The following GABRG2 variants were observed in gnomAD, a reference collection of about 807,000 sequenced individuals.
The protein encoded by GABRG2 is gamma-aminobutyric acid type A receptor subunit gamma2.
Under a neutral mutation model 56.4 loss-of-function variants are expected in GABRG2, and 16 were observed. The observed-to-expected ratio is 0.28, with a 90% CI of 0.19 to 0.43. The LOEUF is 0.43. GABRG2 is among the 20% of genes least tolerant of loss of function. The probability of loss-of-function intolerance (pLI) is 1.00; values close to 1 mark genes in which losing one functional copy is unlikely to be tolerated. For synonymous variants in GABRG2, 208 were observed against 205.5 expected (o/e 1.01, Z -0.10); for missense variants, 327 against 582.7 (o/e 0.56, Z 4.52).
chr5:162,151,459 C>A, intron 8 of GABRG2: 1 of 355,978 alleles, frequency 2.8e-6, no homozygotes. Context: ...AACTTCCTTG[C>A]AATTGAACAA....
rs1316031191 is a variant in GABRG2, at chr5:162,154,587, G to A, written c.*1219G>A. 6.6e-6 allele frequency: 1 copy of A among 152,078 alleles called. No individual in the cohort carries two copies. The highest frequency in any genetic ancestry group is 1.5e-5 in the Non-Finnish European group (1 of 68,016). The allele number at this position is 152,078 out of a possible 1,614,324, so 9.4% of individuals were successfully genotyped here. ...GTTCATCTTCAAAAAATTATTTTAG[G>A]CAAAGTCCATACTCCTTTTAAAACA... is the stretch of plus-strand genomic sequence containing the variant. On this transcript the variant is annotated 3_prime_UTR_variant, in exon 10 of 10. Transcript: ENST00000639213.
intron 6 of GABRG2, among the ~76,000 whole-genome samples, chr5:162,138,681 T>A (rs568419064): frequency 1.1e-4 from 16 of 152,324 alleles, no homozygotes; most frequent in African/African-American, 3.8e-4. Context: ...TATTCAACTA[T>A]CTTTTAGTTG....
chr5:162,119,238 A>G (rs1762825781), intron 6 of GABRG2, among the ~76,000 whole-genome samples: 1 of 152,090 alleles, frequency 6.6e-6, no homozygotes, highest in Admixed American at 6.6e-5. Flanking sequence ...AAAACTCTGC[A>G]TTACCTCTAG....
intron 6 of GABRG2, among the ~76,000 whole-genome samples, chr5:162,118,365 A>C (rs1182284549): frequency 3.9e-5 from 6 of 152,064 alleles, no homozygotes; most frequent in Non-Finnish European, 8.8e-5. Context: ...CTAACCTAAT[A>C]TGTCTAGTTT....
chr5:162,143,837 T>C (rs1764761467), intron 7 of GABRG2, among the ~76,000 whole-genome samples: 1 of 152,218 alleles, frequency 6.6e-6, no homozygotes, highest in South Asian at 2.1e-4. Context: ...TGTTGGCTAC[T>C]ATAGTCATTT....
intron 1 of GABRG2, among the ~76,000 whole-genome samples, chr5:162,078,369 C>CTATATATATATATATA (rs774147866): frequency 7.4e-5 from 4 of 53,886 alleles, no homozygotes; most frequent in East Asian, 7.8e-4. Context: ...GAGCATCTTA[C>CTATATATATATATATA]TATATATATA....
rs1293775808 is a variant in GABRG2 at position 162,068,075 on chromosome 5, T to G, written c.76T>G (p.Trp26Gly). The G allele has an allele frequency of 1.9e-5, 31 of 1,613,250 alleles. No individual in the cohort carries two copies. The highest frequency in any genetic ancestry group is 2.5e-5 in the Non-Finnish European group (29 of 1,179,686). ...TGTATTTTCACAGAAAATGACGGTG[T>G]GGATTCTGCTCCTGCTGTCGCTCTA... ...TPVFSQKMTV[W>G]ILLLLSLYPG... is the part of the protein sequence containing the mutation. The change falls in exon 1 of 10, where the codon TGG (tryptophan) becomes GGG (glycine). Residue 26 changes from tryptophan (W) to glycine (G), a missense_variant. Around this residue, in one of 4 missense-constraint regions of GABRG2, gnomAD observed 73 missense variants for 72.2 expected, o/e 1.01. Coordinates refer to ENST00000639213, the MANE Select transcript of GABRG2 (RefSeq NM_198904.4).
intron 8 of GABRG2, 62 bp from the exon 9 acceptor site, chr5:162,151,668 A>ATTT: frequency 1.5e-6 from 2 of 1,367,776 alleles, no homozygotes; most frequent in South Asian, 1.3e-5. Flanking sequence ...TTTTTTTTTC[A>ATTT]TTTTTTTTCT....
At chr5:162,129,831 A>G (rs1283049985) in intron 6 of GABRG2, among the ~76,000 whole-genome samples, 2 of 152,124 alleles carry the variant, frequency 1.3e-5, no homozygotes, top group South Asian at 2.1e-4. Context: ...AACACTATGA[A>G]TTTTTAAATA....
At chr5:162,118,062 T>C (rs1762741715) in intron 6 of GABRG2, among the ~76,000 whole-genome samples, 1 of 152,070 alleles carries the variant, frequency 6.6e-6, no homozygotes, top group South Asian at 2.1e-4. Flanking sequence ...CCCAGAATTT[T>C]TGTTGAGTCT....
upstream of GABRG2, chr5:162,067,755 C>G (rs965344896): frequency 4.9e-6 from 3 of 610,502 alleles, no homozygotes; most frequent in Non-Finnish European, 8.7e-6. Context: ...TATTACTCCC[C>G]CAGACTTGGA....
chr5:162,117,950 C>T (rs1303213256), intron 6 of GABRG2, among the ~76,000 whole-genome samples: 2 of 152,000 alleles, frequency 1.3e-5, no homozygotes, highest in South Asian at 2.1e-4. Context: ...TGAAAGACAC[C>T]GTGTTACGCG....
intron 4 of GABRG2, chr5:162,098,258 C>G (rs1761148337): frequency 5.0e-6 from 1 of 200,552 alleles, no homozygotes; most frequent in Non-Finnish European, 1.0e-5. Flanking sequence ...ACATCCTTCT[C>G]TTTTTAGCTT....
chr5:162,091,927 G>C (rs908703167), intron 1 of GABRG2, among the ~76,000 whole-genome samples: 1 of 152,106 alleles, frequency 6.6e-6, no homozygotes, highest in Non-Finnish European at 1.5e-5. Context: ...AAGAGAGAGA[G>C]AGAGATTTTT....
chr5:162,138,649 C>T (rs906591750), intron 6 of GABRG2, among the ~76,000 whole-genome samples: 1 of 152,018 alleles, frequency 6.6e-6, no homozygotes, highest in South Asian at 2.1e-4. Context: ...TCAAAGTTAA[C>T]CTAGTAGAAT....
intron 6 of GABRG2, among the ~76,000 whole-genome samples, chr5:162,133,763 T>C (rs1376742667): frequency 6.6e-6 from 1 of 152,054 alleles, no homozygotes; most frequent in Non-Finnish European, 1.5e-5. Flanking sequence ...AATTTTCTAG[T>C]AAAGGAAGGC....
chr5:162,077,936 G>A (rs2113164894), intron 1 of GABRG2, among the ~76,000 whole-genome samples: 1 of 152,158 alleles, frequency 6.6e-6, no homozygotes. Context: ...AAAGGAGGAG[G>A]GAGGAAGGGA....
At chr5:162,088,074 G>A (rs1760268925) in intron 1 of GABRG2, among the ~76,000 whole-genome samples, 2 of 152,060 alleles carry the variant, frequency 1.3e-5, no homozygotes, top group South Asian at 2.1e-4. Flanking sequence ...CTCTGAACAG[G>A]TTCTGCATAG....
At chr5:162,144,605 CATT>C (rs1198807543) in intron 7 of GABRG2, among the ~76,000 whole-genome samples, 1 of 152,168 alleles carries the variant, frequency 6.6e-6, no homozygotes, top group Non-Finnish European at 1.5e-5. Flanking sequence ...CTGTAATGAT[CATT>C]ATTATCACAA....
Sources: gnomAD v4.1 joint callset for allele counts (sites outside exome capture counted in the v4.1 genomes callset) on GRCh38, gnomAD v4.1.1 for gene constraint, gnomAD v4.1.1 regional missense constraint, MANE v1.5 for transcripts, NCBI Gene and HGNC (gene_info 2026-07-23, HGNC 2026-07-21) for gene names.